Variants in CCSER1 observed in about 807,000 individuals in gnomAD.
The protein encoded by CCSER1 is coiled-coil serine rich protein 1, also known as serine-rich coiled-coil domain-containing protein 1.
In CCSER1, 41 loss-of-function variants were observed where a neutral mutation model predicts 82.0. That is an observed-to-expected ratio of 0.50 (90% CI 0.39 to 0.65). CCSER1 has a LOEUF of 0.65. Ranked by LOEUF, CCSER1 falls within the 30% of genes least tolerant of loss-of-function variation. The pLI is 0.00. For synonymous variants in CCSER1, 414 were observed against 383.9 expected (o/e 1.08, Z -0.92); for missense variants, 1,119 against 1,064.2 (o/e 1.05, Z -0.72).
chr4:90,175,618 A>T (rs950912517), intron 1 of CCSER1, among the ~76,000 whole-genome samples: 3 of 152,034 alleles, frequency 2.0e-5, no homozygotes. Flanking sequence ...TAGAATGCAA[A>T]TATTAAAAAA....
intron 6 of CCSER1, among the ~76,000 whole-genome samples, chr4:90,684,631 T>G (rs563632838): frequency 6.6e-6 from 1 of 152,252 alleles, no homozygotes; most frequent in African/African-American, 2.4e-5. Context: ...TTAATATAAT[T>G]AGTTGTATAA....
intron 9 of CCSER1, among the ~76,000 whole-genome samples, chr4:90,937,621 C>T (rs6827350): frequency 0.02 from 3,029 of 152,192 alleles, 40 homozygotes; most frequent in Non-Finnish European, 0.032. Flanking sequence ...AGAACACCTA[C>T]TGTTTTCAAA....
intron 9 of CCSER1, among the ~76,000 whole-genome samples, chr4:91,003,911 T>G (rs1265384797): frequency 6.6e-6 from 1 of 152,190 alleles, no homozygotes; most frequent in African/African-American, 2.4e-5. Flanking sequence ...CTTCTTCCTC[T>G]ACTTCTGCAT....
At chr4:90,362,651 T>G (rs1578118124) in intron 3 of CCSER1, among the ~76,000 whole-genome samples, 1 of 152,146 alleles carries the variant, frequency 6.6e-6, no homozygotes, top group South Asian at 2.1e-4. Flanking sequence ...TCTTTCCTTT[T>G]CCGCTGGCTT....
Position 90,305,849 on chromosome 4 carries a change from A to G in CCSER1, c.-41-2395A>G, listed in dbSNP as rs184257552. 2.0e-4 allele frequency among the ~76,000 whole-genome samples: 31 copies of G among 152,350 alleles called. No homozygotes were observed. In the South Asian group the frequency reaches 2.9e-3, roughly 14 times the overall value. On this transcript the variant is annotated intron_variant, in intron 1 of 10. Coordinates refer to ENST00000509176, the MANE Select transcript of CCSER1 (RefSeq NM_001145065.2). ...CTGGGTATATAGCCAAACAATTGAAATCAGTATGTCAAAGAGATATCTGTA... is the reference window on the plus strand; with the variant it reads ...CTGGGTATATAGCCAAACAATTGAAGTCAGTATGTCAAAGAGATATCTGTA...
chr4:91,542,386 A>C (rs958936814), intron 10 of CCSER1, among the ~76,000 whole-genome samples: 1 of 152,096 alleles, frequency 6.6e-6, no homozygotes, highest in Non-Finnish European at 1.5e-5. Flanking sequence ...TCTTTAATCC[A>C]TCTTGAATTA....
At chr4:90,530,787 C>T (rs559393583) in intron 5 of CCSER1, among the ~76,000 whole-genome samples, 11 of 152,238 alleles carry the variant, frequency 7.2e-5, no homozygotes, top group Non-Finnish European at 1.2e-4. Flanking sequence ...TTTTCAGGGT[C>T]TTATCTGCTC....
chr4:90,885,543 T>C (rs1021341277), intron 8 of CCSER1, among the ~76,000 whole-genome samples: 12 of 152,124 alleles, frequency 7.9e-5, no homozygotes, highest in Non-Finnish European at 1.6e-4. Flanking sequence ...TCAAGAGGGA[T>C]GTTTCTCCTT....
At chr4:91,163,117 T>A (rs951666072) in intron 10 of CCSER1, among the ~76,000 whole-genome samples, 1 of 152,244 alleles carries the variant, frequency 6.6e-6, no homozygotes, top group East Asian at 1.9e-4. Context: ...GTCCCAGAGA[T>A]TCTGGTATGT....
chr4:91,214,543 C>T (rs954189135), intron 10 of CCSER1, among the ~76,000 whole-genome samples: 9 of 152,276 alleles, frequency 5.9e-5, no homozygotes, highest in Admixed American at 3.9e-4. Flanking sequence ...GTTCATATTT[C>T]CTTCTCTACT....
intron 5 of CCSER1, among the ~76,000 whole-genome samples, chr4:90,600,355 A>T (rs1783886071): frequency 6.6e-6 from 1 of 152,106 alleles, no homozygotes; most frequent in African/African-American, 2.4e-5. Flanking sequence ...GTACAGTCAG[A>T]CTTTTTAGTT....
chr4:91,177,370 A>T (rs1477479561), intron 10 of CCSER1, among the ~76,000 whole-genome samples: 1 of 152,106 alleles, frequency 6.6e-6, no homozygotes, highest in Non-Finnish European at 1.5e-5. Context: ...TTTTCTGTTC[A>T]TTGGAATAGT....
intron 10 of CCSER1, among the ~76,000 whole-genome samples, chr4:91,495,719 T>C (rs1314350182): frequency 6.6e-6 from 1 of 151,588 alleles, no homozygotes; most frequent in Non-Finnish European, 1.5e-5. Flanking sequence ...TGTGTCAGGA[T>C]GAACGAAATG....
chr4:90,507,774 A>C (rs886186791), intron 5 of CCSER1, among the ~76,000 whole-genome samples: 2 of 152,040 alleles, frequency 1.3e-5, no homozygotes, highest in African/African-American at 4.8e-5. Flanking sequence ...GCAAATGTAA[A>C]GGCTAATTTC....
chr4:90,925,836 A>G (rs550957475), intron 9 of CCSER1, among the ~76,000 whole-genome samples: 2 of 152,236 alleles, frequency 1.3e-5, no homozygotes, highest in East Asian at 3.9e-4. Context: ...TTTTTTGACA[A>G]TGAGTCCCTA....
intron 5 of CCSER1, among the ~76,000 whole-genome samples, chr4:90,476,556 T>TA (rs570718272): frequency 6.6e-6 from 1 of 152,224 alleles, no homozygotes; most frequent in Admixed American, 6.5e-5. Context: ...TATTTTTTTT[T>TA]ATCATCTCTA....
chr4:90,366,727 C>T (rs973127672), intron 3 of CCSER1, among the ~76,000 whole-genome samples: 2 of 151,418 alleles, frequency 1.3e-5, no homozygotes, highest in African/African-American at 4.8e-5. Flanking sequence ...TTTAGTATAC[C>T]CAGTGAAAAC....
At chr4:90,526,738 A>G (rs1214918751) in intron 5 of CCSER1, among the ~76,000 whole-genome samples, 2 of 152,174 alleles carry the variant, frequency 1.3e-5, no homozygotes, top group Non-Finnish European at 2.9e-5. Context: ...TCCATGGTGT[A>G]TATGTGCCAC....
chr4:91,542,554 T>C (rs1249942010), intron 10 of CCSER1, among the ~76,000 whole-genome samples: 1 of 152,226 alleles, frequency 6.6e-6, no homozygotes, highest in Non-Finnish European at 1.5e-5. Context: ...TTCATTTTGT[T>C]ATGTACCCAG....
Sources: gnomAD v4.1 joint callset for allele counts (sites outside exome capture counted in the v4.1 genomes callset) on GRCh38, gnomAD v4.1.1 for gene constraint, MANE v1.5 for transcripts, NCBI Gene and HGNC (gene_info 2026-07-23, HGNC 2026-07-21) for gene names.